BCAS3: variants seen among roughly 807,000 people sequenced by gnomAD.
BCAS3 encodes the protein BCAS3 microtubule associated cell migration factor.
A neutral mutation model predicts 116.1 loss-of-function variants in BCAS3; 53 were observed. That is an observed-to-expected ratio of 0.46 (90% CI 0.37 to 0.57). BCAS3 has a LOEUF of 0.57. BCAS3 is among the 20% of genes least tolerant of loss of function. BCAS3 has a pLI of 0.00. For missense variants in BCAS3, 917 were observed against 1,165.4 expected (o/e 0.79, Z 3.10); for synonymous variants, 391 against 408.2 (o/e 0.96, Z 0.51).
chr17:61,321,209 T>C (rs2055185105), intron 22 of BCAS3, among the ~76,000 whole-genome samples: 1 of 152,214 alleles, frequency 6.6e-6, no homozygotes, highest in South Asian at 2.1e-4. Flanking sequence ...AGGCAGATTC[T>C]TCATTTTGCT....
chr17:60,800,427 A>G (rs1027504948), intron 6 of BCAS3, among the ~76,000 whole-genome samples: 1 of 151,758 alleles, frequency 6.6e-6, no homozygotes, highest in Non-Finnish European at 1.5e-5. Context: ...GTCTTTGCCC[A>G]TTTTCTAATT....
chr17:61,233,006 G>C lies in BCAS3; in HGVS notation c.2426-135321G>C, dbSNP rs1174878562. On this transcript the variant is annotated intron_variant, in intron 22 of 23. Transcript: ENST00000407086. This position sits in a 1 kb window ranked among gnomAD's most constrained non-coding sequence, Gnocchi z 4.3. ...GATGGAACCATGTGCCGAAGTGTTT[G>C]TTTTGGGCCTCCATGAAGTCATTCC... 6.6e-6 allele frequency among the ~76,000 whole-genome samples: 1 copy of C among 152,200 alleles called. No homozygotes were observed. The highest frequency in any genetic ancestry group is 1.5e-5 in the Non-Finnish European group (1 of 68,022).
chr17:61,260,344 T>C (rs2049097839), intron 22 of BCAS3, among the ~76,000 whole-genome samples: 1 of 152,210 alleles, frequency 6.6e-6, no homozygotes, highest in Admixed American at 6.5e-5. Flanking sequence ...CAAATTGGAA[T>C]TGAAACGCTT....
intron 6 of BCAS3, among the ~76,000 whole-genome samples, chr17:60,782,868 A>G (rs7210872): frequency 0.031 from 4,647 of 152,120 alleles, 206 homozygotes; most frequent in African/African-American, 0.1. Context: ...GAATACAGGC[A>G]TGAGCCACCG....
Position 61,044,465 on chromosome 17 carries a change from A to AAAAAAAAAAAAAAATATATAT in BCAS3, c.2029+3574_2029+3575insAAAAAAAAAAAAATATATATA. Among the ~76,000 whole-genome samples the AAAAAAAAAAAAAAATATATAT allele has an allele frequency of 1.8e-4, 22 of 120,102 alleles. 1 individual carries two copies. Among genetic ancestry groups the AAAAAAAAAAAAAAATATATAT allele is most frequent in the African/African-American group, 1.0e-3 (20 of 20,036 alleles). The allele number at this position is 120,102 out of a possible 152,430, so 78.8% of individuals were successfully genotyped here. A position where few individuals can be genotyped will look rare whatever the true frequency, so the allele number is the denominator to read the frequency against. On this transcript the variant is annotated intron_variant, in intron 19 of 23. Coordinates refer to ENST00000407086, the MANE Select transcript of BCAS3 (RefSeq NM_017679.5). Reference sequence around the variant, plus strand: ...CTGTCTCAAAAAAAAAAAAAAAAAAAATATATATATATATGCCATAAGAAC... The same window carrying AAAAAAAAAAAAAAATATATAT: ...CTGTCTCAAAAAAAAAAAAAAAAAAAAAAAAAAAAAAAAATATATATATATATATATATATGCCATAAGAAC...
Position 61,128,202 on chromosome 17 carries a change from G to A in BCAS3, c.2425+43638G>A. 2 of 985,420 alleles carry A rather than the reference G, an allele frequency of 2.0e-6. No individual in the cohort carries two copies. The highest frequency in any genetic ancestry group is 2.4e-6 in the Non-Finnish European group (2 of 829,924). The allele number at this position is 985,420 out of a possible 1,614,324, so 61.0% of individuals were successfully genotyped here. On this transcript the variant is annotated intron_variant, in intron 22 of 23. Transcript: ENST00000407086. This position sits in a 1 kb window ranked among gnomAD's most constrained non-coding sequence, Gnocchi z 4.1. ...GGAAGCCTTCCACCAGGAATAGTGT[G>A]AGTCAAGGATGAGTACATGAAGATG...
At chr17:61,024,912 T>C (rs2066126498) in intron 16 of BCAS3, among the ~76,000 whole-genome samples, 1 of 152,058 alleles carries the variant, frequency 6.6e-6, no homozygotes, top group African/African-American at 2.4e-5. Context: ...ATGTTCTGGA[T>C]GAGATGGGAG....
rs1201634589 is a variant in BCAS3 at position 61,302,197 on chromosome 17, C to G, written c.2426-66130C>G. The stretch of plus-strand genomic sequence containing the variant: ...CCCCTCCCCCGACTCCCAGGGTTCT[C>G]CTGTTCTCTCTGGTGTATTACTTGA... On this transcript the variant is annotated intron_variant, in intron 22 of 23. Coordinates refer to ENST00000407086, the MANE Select transcript of BCAS3 (RefSeq NM_017679.5). This position sits in a 1 kb window ranked among gnomAD's most constrained non-coding sequence, Gnocchi z 4.4. 6.6e-6 allele frequency among the ~76,000 whole-genome samples: 1 copy of G among 152,178 alleles called. No homozygotes were observed. Among genetic ancestry groups the G allele is most frequent in the Admixed American group, 6.5e-5 (1 of 15,280 alleles).
intron 5 of BCAS3, among the ~76,000 whole-genome samples, chr17:60,728,277 T>C (rs1359307502): frequency 6.6e-6 from 1 of 152,144 alleles, no homozygotes; most frequent in Non-Finnish European, 1.5e-5. Context: ...CTTTTTATCA[T>C]GTCCATTCTT....
At chr17:61,319,854 T>C (rs1470942195) in intron 22 of BCAS3, among the ~76,000 whole-genome samples, 1 of 151,552 alleles carries the variant, frequency 6.6e-6, no homozygotes, top group African/African-American at 2.4e-5. Context: ...AATAGTCTTT[T>C]TTCTTTTTCT....
At chr17:60,683,468 A>G (rs549236851) in intron 2 of BCAS3, among the ~76,000 whole-genome samples, 1 of 147,670 alleles carries the variant, frequency 6.8e-6, no homozygotes, top group South Asian at 2.2e-4. Flanking sequence ...GAAACGAGAA[A>G]GTAGTTTAGC....
chr17:61,116,794 C>G (rs991302537), intron 22 of BCAS3, among the ~76,000 whole-genome samples: 2 of 152,140 alleles, frequency 1.3e-5, no homozygotes, highest in African/African-American at 4.8e-5. Context: ...CCTTTGTACT[C>G]AGAAAAAAAT....
At chr17:60,730,291 G>A (rs1038239053) in intron 5 of BCAS3, among the ~76,000 whole-genome samples, 3 of 152,222 alleles carry the variant, frequency 2.0e-5, no homozygotes, top group Non-Finnish European at 4.4e-5. Context: ...TTCATTATTT[G>A]TGTTCTGTGG....
In BCAS3 at chr17:61,012,803, C is replaced by T. The variant is rs937008373; in HGVS notation, c.1487-2948C>T. ...CATTTTAAGTTGTGCCTAGCTAAAC[C>T]ACAGATTTGGAACTTCTCAGTGAAT... On this transcript the variant is annotated intron_variant, in intron 15 of 23. Transcript: ENST00000407086. This position sits in a 1 kb window ranked among gnomAD's most constrained non-coding sequence, Gnocchi z 4.5. Among the ~76,000 whole-genome samples, 1 of 151,980 alleles carries T rather than the reference C, an allele frequency of 6.6e-6. No homozygotes were observed. Among genetic ancestry groups the T allele is most frequent in the African/African-American group, 2.4e-5 (1 of 41,408 alleles).
intron 7 of BCAS3, among the ~76,000 whole-genome samples, chr17:60,825,219 T>A (rs371443687): frequency 2.1e-4 from 32 of 152,162 alleles, no homozygotes; most frequent in Non-Finnish European, 3.8e-4. Flanking sequence ...CTTGCTTGCT[T>A]TTCTCTTTTA....
At chr17:60,804,836 G>A (rs1346266324) in intron 6 of BCAS3, among the ~76,000 whole-genome samples, 1 of 151,946 alleles carries the variant, frequency 6.6e-6, no homozygotes, top group Non-Finnish European at 1.5e-5. Flanking sequence ...TTAAATAAGT[G>A]TCAATATATG....
intron 22 of BCAS3, among the ~76,000 whole-genome samples, chr17:61,172,757 G>A (rs912477649): frequency 2.6e-5 from 4 of 151,906 alleles, no homozygotes; most frequent in Admixed American, 2.6e-4. Context: ...AGGCCAAGGC[G>A]GGCGGATCAC....
rs570611100 is a variant in BCAS3 at position 61,343,754 on chromosome 17, A to G, written c.2426-24573A>G. Among the ~76,000 whole-genome samples, 1 of 152,362 alleles carries G rather than the reference A, an allele frequency of 6.6e-6. No homozygotes were observed. The highest frequency in any genetic ancestry group is 1.5e-5 in the Non-Finnish European group (1 of 68,028). Reference sequence around the variant, plus strand: ...CTTGTGATTATCCTCTGTCTAAGTCAAAAGCAGCTTAATTCCTCTAAAAAC... The same window carrying G: ...CTTGTGATTATCCTCTGTCTAAGTCGAAAGCAGCTTAATTCCTCTAAAAAC... On this transcript the variant is annotated intron_variant, in intron 22 of 23. Coordinates refer to ENST00000407086, the MANE Select transcript of BCAS3 (RefSeq NM_017679.5). This position sits in a 1 kb window ranked among gnomAD's most constrained non-coding sequence, Gnocchi z 5.5.
Position 60,747,284 on chromosome 17 carries a change from G to T in BCAS3, c.403+5G>T. The T allele has an allele frequency of 6.2e-7, 1 of 1,601,522 alleles. No individual in the cohort carries two copies. Among genetic ancestry groups the T allele is most frequent in the Non-Finnish European group, 8.5e-7 (1 of 1,170,168 alleles). ...TCTTGCCTGCTCCACAGTTTGGTGA[G>T]TGTAGTCCTTAAGAAAAGAATCTTT... On this transcript the variant is annotated splice_donor_5th_base_variant and intron_variant, in intron 6 of 23. Coordinates refer to ENST00000407086, the MANE Select transcript of BCAS3 (RefSeq NM_017679.5).
Sources: allele counts gnomAD v4.1 joint callset (sites outside exome capture counted in the v4.1 genomes callset), GRCh38; gene constraint gnomAD v4.1.1; non-coding constraint Gnocchi (gnomAD v3.1); transcripts MANE v1.5; gene names NCBI Gene and HGNC (gene_info 2026-07-23, HGNC 2026-07-21).